ANO2: variants seen among roughly 807,000 people sequenced by gnomAD.
ANO2 encodes the protein anoctamin 2.
In ANO2, 101 loss-of-function variants were observed where a neutral mutation model predicts 124.2. The observed-to-expected ratio is 0.81, with a 90% confidence interval of 0.69 to 0.96. ANO2 has a LOEUF of 0.96. ANO2 is among the 40% of genes least tolerant of loss of function. ANO2 has a pLI of 0.00. For synonymous variants in ANO2, 486 were observed against 482.5 expected (o/e 1.01, Z -0.09); for missense variants, 1,293 against 1,274.5 (o/e 1.01, Z -0.22).
intron 4 of ANO2, among the ~76,000 whole-genome samples, chr12:5,839,411 T>C (rs1048926972): frequency 6.6e-6 from 1 of 152,176 alleles, no homozygotes; most frequent in Non-Finnish European, 1.5e-5. Flanking sequence ...CTGGGTAGTG[T>C]GCTCAGATGA....
rs560285408 is a variant in ANO2, at chr12:5,887,755, T to C, written c.534+33285A>G. 7.2e-5 allele frequency among the ~76,000 whole-genome samples: 11 copies of C among 152,280 alleles called. No homozygotes were observed. In the East Asian group the frequency reaches 1.5e-3, roughly 21 times the overall value. ...ACTTGCAATGCGCCAAGCACAGCTC[T>C]GAGCTTTTTACAAGCGTTATCCTCT... On this transcript the variant is annotated intron_variant, in intron 3 of 24. Transcript: ENST00000682330.
At chr12:5,564,362 C>T (rs185590600) in intron 24 of ANO2, 1 of 152,514 alleles carries the variant, frequency 6.6e-6, no homozygotes, top group Admixed American at 6.5e-5. Flanking sequence ...GACAACAATG[C>T]CTGGCATGGC....
chr12:5,810,282 G>A (rs7134584), intron 7 of ANO2, among the ~76,000 whole-genome samples: 2,497 of 152,166 alleles, frequency 0.016, 64 homozygotes, highest in African/African-American at 0.056. Flanking sequence ...CCAACAACAG[G>A]GATTTGCTTT....
intron 3 of ANO2, among the ~76,000 whole-genome samples, chr12:5,877,567 T>C (rs1264434637): frequency 1.3e-5 from 2 of 152,144 alleles, no homozygotes; most frequent in Non-Finnish European, 2.9e-5. Context: ...CCATTACCAA[T>C]TATGTGATCT....
intron 3 of ANO2, among the ~76,000 whole-genome samples, chr12:5,863,773 G>A (rs1955343282): frequency 6.6e-6 from 1 of 151,978 alleles, no homozygotes; most frequent in Non-Finnish European, 1.5e-5. Context: ...GTAAAACAAT[G>A]CAACACTTCT....
Position 5,599,662 on chromosome 12 carries a change from C to G in ANO2, c.2088-33G>C, listed in dbSNP as rs760606092. On this transcript the variant is annotated intron_variant, in intron 19 of 24. Coordinates refer to ENST00000682330, the MANE Select transcript of ANO2 (RefSeq NM_001364791.2). Reference sequence around the variant, plus strand: ...AGAAATGGATTAAGTTACAAAAAGCCTCTGGAGAACAGGGTTGGTTTTGCA... The same window carrying G: ...AGAAATGGATTAAGTTACAAAAAGCGTCTGGAGAACAGGGTTGGTTTTGCA... 58 of 1,609,684 alleles carry G rather than the reference C, an allele frequency of 3.6e-5. No individual in the cohort carries two copies. In the Admixed American group the frequency reaches 9.8e-4, roughly 27 times the overall value.
At chr12:5,668,082 C>T (rs1947821503) in intron 14 of ANO2, among the ~76,000 whole-genome samples, 1 of 152,238 alleles carries the variant, frequency 6.6e-6, no homozygotes, top group East Asian at 1.9e-4. Flanking sequence ...AATGTGATTG[C>T]TGGGTCAAAT....
At chr12:5,827,188 T>C (rs944731280) in intron 7 of ANO2, among the ~76,000 whole-genome samples, 3 of 152,208 alleles carry the variant, frequency 2.0e-5, no homozygotes, top group African/African-American at 7.2e-5. Flanking sequence ...GCCTGCCTTA[T>C]ACTTGGTCCC....
At chr12:5,586,353 T>C (rs1379160577) in intron 20 of ANO2, among the ~76,000 whole-genome samples, 1 of 152,214 alleles carries the variant, frequency 6.6e-6, no homozygotes, top group Non-Finnish European at 1.5e-5. Context: ...TTAAACGCCA[T>C]TTGGAGAAGA....
At chr12:5,779,390 C>T (rs1780630481) in intron 10 of ANO2, among the ~76,000 whole-genome samples, 1 of 152,184 alleles carries the variant, frequency 6.6e-6, no homozygotes, top group South Asian at 2.1e-4. Context: ...CTATTTTCTT[C>T]AGGAATACGC....
intron 10 of ANO2, among the ~76,000 whole-genome samples, chr12:5,751,287 T>C (rs1266823132): frequency 1.3e-5 from 2 of 152,204 alleles, no homozygotes; most frequent in Non-Finnish European, 2.9e-5. Context: ...TTTGGCACCT[T>C]TACCAAACAT....
At chr12:5,707,277 C>T (rs1265411500) in intron 14 of ANO2, among the ~76,000 whole-genome samples, 1 of 152,150 alleles carries the variant, frequency 6.6e-6, no homozygotes, top group African/African-American at 2.4e-5. Flanking sequence ...TGTAAGTTTC[C>T]TGAGGCCTCC....
rs1363427399 is a variant in ANO2 at position 5,904,488 on chromosome 12, C to A, written c.534+16552G>T. ...CAGGGCAGACGCCTCGCAGGCCCACCATCACCTCTCCTGATGCCTGTAGCA... is the reference window on the plus strand; with the variant it reads ...CAGGGCAGACGCCTCGCAGGCCCACAATCACCTCTCCTGATGCCTGTAGCA... On this transcript the variant is annotated intron_variant, in intron 3 of 24. Transcript: ENST00000682330. This position sits in a 1 kb window ranked among gnomAD's most constrained non-coding sequence, Gnocchi z 4.1. Among the ~76,000 whole-genome samples the A allele has an allele frequency of 1.3e-5, 2 of 152,188 alleles. No homozygotes were observed. Among genetic ancestry groups the A allele is most frequent in the Non-Finnish European group, 2.9e-5 (2 of 68,026 alleles).
At chr12:5,845,489 C>G (rs1380839604) in intron 4 of ANO2, among the ~76,000 whole-genome samples, 1 of 149,158 alleles carries the variant, frequency 6.7e-6, no homozygotes, top group Non-Finnish European at 1.5e-5. Context: ...ATGGCATCAA[C>G]TCAGGAGGCG....
chr12:5,824,168 G>A (rs1329990368), intron 7 of ANO2, among the ~76,000 whole-genome samples: 4 of 152,194 alleles, frequency 2.6e-5, no homozygotes, highest in Admixed American at 2.0e-4. Flanking sequence ...CATGGTCTTG[G>A]GGATTAACAT....
intron 3 of ANO2, among the ~76,000 whole-genome samples, chr12:5,863,856 TAAC>T (rs1270404257): frequency 2.6e-5 from 4 of 152,214 alleles, no homozygotes; most frequent in Non-Finnish European, 5.9e-5. Context: ...ATTATTTACT[TAAC>T]AATATGTTAT....
chr12:5,902,644 A>G (rs1422645520), intron 3 of ANO2, among the ~76,000 whole-genome samples: 17 of 316 alleles, frequency 0.054, no homozygotes, highest in African/African-American at 0.095. Flanking sequence ...GAGGGGAGGG[A>G]AGAGGAAGGG....
intron 3 of ANO2, among the ~76,000 whole-genome samples, chr12:5,883,506 T>G (rs1460007176): frequency 1.1e-5 from 1 of 94,612 alleles, no homozygotes; most frequent in Admixed American, 1.3e-4. Flanking sequence ...TAGGGTGGTG[T>G]GTGTGTGTGT....
chr12:5,689,398 G>T (rs1212723896), intron 14 of ANO2, among the ~76,000 whole-genome samples: 2 of 152,118 alleles, frequency 1.3e-5, no homozygotes, highest in African/African-American at 4.8e-5. Context: ...ACAGAGACAG[G>T]CTTTTTATGG....
Sources: allele counts gnomAD v4.1 joint callset (sites outside exome capture counted in the v4.1 genomes callset), GRCh38; gene constraint gnomAD v4.1.1; non-coding constraint Gnocchi (gnomAD v3.1); transcripts MANE v1.5; gene names NCBI Gene and HGNC (gene_info 2026-07-23, HGNC 2026-07-21).